LAMB4: variants seen among roughly 807,000 people sequenced by gnomAD.
LAMB4 encodes laminin subunit beta-4.
Under a neutral mutation model 199.2 loss-of-function variants are expected in LAMB4, and 196 were observed. The ratio of observed to expected loss-of-function variants is 0.98; its 90% CI spans 0.88 to 1.11. LAMB4 has a LOEUF of 1.11. Ranked by LOEUF, LAMB4 falls within the 50% of genes least tolerant of loss-of-function variation. The pLI is 0.00. For missense variants in LAMB4, 2,080 were observed against 2,171.2 expected (o/e 0.96, Z 0.83); for synonymous variants, 744 against 770.6 (o/e 0.97, Z 0.57).
At chr7:108,013,767 A>ATGTT in the LAMB4 span, among the ~76,000 whole-genome samples, 1 of 152,206 alleles carries the variant, frequency 6.6e-6, no homozygotes, top group Non-Finnish European at 1.5e-5. Flanking sequence ...GATGTTTACA[A>ATGTT]TGTTGTTTCC....
intron 28 of LAMB4, among the ~76,000 whole-genome samples, chr7:108,044,955 C>CAAAAAAAAAAAAAAAA (rs756256335): frequency 1.8e-5 from 1 of 56,556 alleles, no homozygotes; most frequent in African/African-American, 7.7e-5. Flanking sequence ...ATTCTTGTCT[C>CAAAAAAAAAAAAAAAA]AAAAAAAAAA....
intron 14 of LAMB4, 65 bp downstream of exon 14, chr7:108,091,561 T>G: frequency 2.0e-6 from 3 of 1,525,422 alleles, no homozygotes; most frequent in Non-Finnish European, 1.8e-6. Flanking sequence ...CTCAAGTATG[T>G]GCTCTGTGTG....
At chr7:108,020,763 C>A (rs2034676204), downstream of LAMB4, among the ~76,000 whole-genome samples, 1 of 152,112 alleles carries the variant, frequency 6.6e-6, no homozygotes, top group Non-Finnish European at 1.5e-5. Flanking sequence ...CTTTTTGTAC[C>A]TGTGACTTTG....
In LAMB4 at chr7:108,068,778, C is replaced by T. The variant is rs1193190716; in HGVS notation, c.2303-619G>A. Among the ~76,000 whole-genome samples the T allele has an allele frequency of 3.9e-5, 6 of 152,184 alleles. No homozygotes were observed. In the East Asian group the frequency reaches 1.2e-3, roughly 29 times the overall value. ...GTGTGATCTTGGCTCACTGCAACCTCCGCCTTCCCAGTTCAAGTGATTTTC... is the reference window on the plus strand; with the variant it reads ...GTGTGATCTTGGCTCACTGCAACCTTCGCCTTCCCAGTTCAAGTGATTTTC... On this transcript the variant is annotated intron_variant, in intron 18 of 33. Coordinates refer to ENST00000388781, the MANE Select transcript of LAMB4 (RefSeq NM_007356.3).
chr7:108,107,831 G>A lies in LAMB4; in HGVS notation c.403-12C>T, dbSNP rs766898148. On this transcript the variant is annotated splice_polypyrimidine_tract_variant and intron_variant, in intron 5 of 33. Transcript: ENST00000388781. Reference sequence around the variant, plus strand: ...GCAGGCCGAAAAGTCTAGGAAAAATGAGTAAAAGTTGGCACATTTCACAAA... The same window carrying A: ...GCAGGCCGAAAAGTCTAGGAAAAATAAGTAAAAGTTGGCACATTTCACAAA... The A allele has an allele frequency of 3.2e-6, 5 of 1,563,694 alleles. No homozygotes were observed. In the East Asian group the frequency reaches 1.2e-4, roughly 36 times the overall value.
chr7:108,122,372 A>G (rs1224194003), intron 2 of LAMB4, among the ~76,000 whole-genome samples: 1 of 152,184 alleles, frequency 6.6e-6, no homozygotes, highest in African/African-American at 2.4e-5. Flanking sequence ...TTCTGTTCCC[A>G]CTGGGCTGTG....
chr7:108,091,903 G>A, intron 13 of LAMB4, 127 bp from the exon 14 acceptor site: 2 of 901,010 alleles, frequency 2.2e-6, no homozygotes, highest in Non-Finnish European at 1.7e-6. Flanking sequence ...CAATGGTCCT[G>A]TGGGAAGATG....
At chr7:108,041,343 C>T (rs901333188) in intron 29 of LAMB4, among the ~76,000 whole-genome samples, 3 of 152,212 alleles carry the variant, frequency 2.0e-5, no homozygotes, top group East Asian at 3.9e-4. Context: ...TGTGGTGATT[C>T]CTCAAAGACC....
chr7:108,041,849 C>G (rs750637994), intron 29 of LAMB4, among the ~76,000 whole-genome samples: 1 of 151,792 alleles, frequency 6.6e-6, no homozygotes, highest in African/African-American at 2.4e-5. Context: ...CCCTGTGACT[C>G]GAGTTTACAA....
chr7:108,045,206 G>A (rs1584620415), intron 28 of LAMB4, among the ~76,000 whole-genome samples: 2 of 151,990 alleles, frequency 1.3e-5, no homozygotes, highest in African/African-American at 4.8e-5. Flanking sequence ...AGAATGGATT[G>A]CAGTAAAATG....
At chr7:108,043,039 C>G (rs2035478414) in intron 29 of LAMB4, among the ~76,000 whole-genome samples, 1 of 146,690 alleles carries the variant, frequency 6.8e-6, no homozygotes, top group African/African-American at 2.6e-5. Context: ...TTTTTTTAAT[C>G]TTTACTAATT....
At chr7:108,106,072 G>T in intron 7 of LAMB4, 41 bp from the exon 8 acceptor site, 1 of 1,471,396 alleles carries the variant, frequency 6.8e-7, no homozygotes, top group Non-Finnish European at 9.5e-7. Flanking sequence ...AATTTGAGGT[G>T]CATCAGTTCA....
chr7:108,103,206 G>A lies in LAMB4; in HGVS notation c.1018C>T (p.Arg340Cys), dbSNP rs1377755315. ...RSCSCNSHSS[R>C]CHFDMTTYLA... is the part of the protein sequence containing the mutation. ...TACGTAGTCATGTCAAAGTGACAGC[G>A]GCTGGAGTGGCTATTACAGCTGCAC... The change falls in exon 10 of 34, where the codon CGC (arginine) becomes TGC (cysteine). Residue 340 changes from arginine to cysteine, a missense_variant. Coordinates refer to ENST00000388781, the MANE Select transcript of LAMB4 (RefSeq NM_007356.3). 11 of 1,572,680 alleles carry A rather than the reference G, an allele frequency of 7.0e-6. No individual in the cohort carries two copies. Among genetic ancestry groups the A allele is most frequent in the African/African-American group, 1.3e-5 (1 of 74,310 alleles).
At chr7:108,067,551 C>T (rs562229511) in intron 19 of LAMB4, among the ~76,000 whole-genome samples, 7 of 152,320 alleles carry the variant, frequency 4.6e-5, no homozygotes, top group East Asian at 1.9e-4. Context: ...TTGCAAACCT[C>T]GCATCAGAAA....
rs2036247778 is a variant in LAMB4, at chr7:108,063,849, G to A, written c.2973C>T (p.Cys991=). ...CCTGAGTGTTGTGCAAACATCGAAG[G>A]CACTCCCCTGTTACCCGGCTGCAGG... The part of the protein sequence containing the change: ...PESCSRVTGE[C]LRCLHNTQGA... Residue 991 remains cysteine (C), a synonymous_variant, in exon 22 of 34, where the codon TGC becomes TGT. Coordinates refer to ENST00000388781, the MANE Select transcript of LAMB4 (RefSeq NM_007356.3). 2 of 1,614,044 alleles carry A rather than the reference G, an allele frequency of 1.2e-6. No homozygotes were observed. The highest frequency in any genetic ancestry group is 1.7e-6 in the Non-Finnish European group (2 of 1,180,026).
At position 108,111,743 on chromosome 7, in the gene LAMB4, T is replaced by C. The variant is rs1259828697; in HGVS notation, c.328+68A>G. ...CTTTGCTGTGACATTATTAAAACCA[T>C]ACAAGGAAGAGGATGTCATATTAAA... On this transcript the variant is annotated intron_variant, in intron 4 of 33. Transcript: ENST00000388781. 7.1e-6 allele frequency: 10 copies of C among 1,400,272 alleles called. No individual in the cohort carries two copies. The East Asian group carries it at 2.3e-4, about 32-fold the overall frequency. The allele number at this position is 1,400,272 out of a possible 1,614,324, so 86.7% of individuals were successfully genotyped here.
At chr7:108,125,328 A>G (rs995657284) in intron 1 of LAMB4, among the ~76,000 whole-genome samples, 1 of 152,246 alleles carries the variant, frequency 6.6e-6, no homozygotes, top group African/African-American at 2.4e-5. Context: ...GATAAATGAA[A>G]TATCTAATCC....
chr7:108,076,128 T>C (rs1052306225), intron 17 of LAMB4, among the ~76,000 whole-genome samples: 1 of 152,136 alleles, frequency 6.6e-6, no homozygotes, highest in Non-Finnish European at 1.5e-5. Context: ...ATATTTCAAA[T>C]GTATCAAATA....
intron 25 of LAMB4, among the ~76,000 whole-genome samples, chr7:108,052,499 G>A (rs2150527877): frequency 6.6e-6 from 1 of 152,256 alleles, no homozygotes; most frequent in African/African-American, 2.4e-5. Context: ...AGGTCTAGTA[G>A]AATAAAGGCT....
Sources: gnomAD v4.1 joint callset for allele counts (sites outside exome capture counted in the v4.1 genomes callset) on GRCh38, gnomAD v4.1.1 for gene constraint, MANE v1.5 for transcripts, NCBI Gene and HGNC (gene_info 2026-07-23, HGNC 2026-07-21) for gene names.